CNTNAP4: variants seen among roughly 807,000 people sequenced by gnomAD.
The protein encoded by CNTNAP4 is contactin-associated protein-like 4.
A neutral mutation model predicts 148.4 loss-of-function variants in CNTNAP4; 98 were observed. The observed-to-expected ratio is 0.66, with a 90% CI of 0.56 to 0.78. The LOEUF is 0.78. CNTNAP4 is among the 30% of genes least tolerant of loss of function. The pLI is 0.00. For missense variants in CNTNAP4, 1,935 were observed against 1,565.6 expected (o/e 1.24, Z -3.98); for synonymous variants, 730 against 565.1 (o/e 1.29, Z -4.14).
At chr16:76,343,093 A>C (rs1964616342) in intron 2 of CNTNAP4, among the ~76,000 whole-genome samples, 1 of 151,436 alleles carries the variant, frequency 6.6e-6, no homozygotes, top group Admixed American at 6.6e-5. Flanking sequence ...AGGCAGAAGC[A>C]TAACCTATTT....
intron 2 of CNTNAP4, among the ~76,000 whole-genome samples, chr16:76,333,779 G>GGTTT (rs1963757315): frequency 2.2e-5 from 1 of 45,606 alleles, no homozygotes; most frequent in Non-Finnish European, 4.3e-5. Context: ...TGGGTTATAG[G>GGTTT]TTTTTTTTTT....
At chr16:76,342,970 TCTG>T (rs1417807097) in intron 2 of CNTNAP4, among the ~76,000 whole-genome samples, 1 of 152,234 alleles carries the variant, frequency 6.6e-6, no homozygotes, top group Non-Finnish European at 1.5e-5. Flanking sequence ...TTGAGCTGCT[TCTG>T]CTGGGATGCC....
At chr16:76,404,037 T>G (rs2078512059) in intron 3 of CNTNAP4, among the ~76,000 whole-genome samples, 1 of 152,102 alleles carries the variant, frequency 6.6e-6, no homozygotes, top group Admixed American at 6.5e-5. Flanking sequence ...ACACTGGGGC[T>G]TACTTGAGAG....
intron 3 of CNTNAP4, among the ~76,000 whole-genome samples, chr16:76,358,691 A>T (rs537493728): frequency 7.9e-5 from 12 of 152,320 alleles, no homozygotes; most frequent in Non-Finnish European, 1.2e-4. Context: ...AGACTGGAAG[A>T]TAATGTTGGA....
intron 1 of CNTNAP4, among the ~76,000 whole-genome samples, chr16:76,297,446 A>G (rs1959431153): frequency 6.6e-6 from 1 of 152,216 alleles, no homozygotes; most frequent in Non-Finnish European, 1.5e-5. Context: ...GCCCTAAAGA[A>G]TTAAAGGGAG....
chr16:76,388,182 G>A (rs1032761452), intron 3 of CNTNAP4, among the ~76,000 whole-genome samples: 1 of 152,118 alleles, frequency 6.6e-6, no homozygotes, highest in African/African-American at 2.4e-5. Flanking sequence ...TGGTGTCAGA[G>A]ACATTACTGG....
chr16:76,303,202 A>T (rs551332370), intron 1 of CNTNAP4, among the ~76,000 whole-genome samples: 2 of 151,974 alleles, frequency 1.3e-5, no homozygotes, highest in East Asian at 3.9e-4. Flanking sequence ...AGTTGGCTTG[A>T]TTTTTTTTCC....
chr16:76,315,780 A>G (rs541416939), intron 1 of CNTNAP4, among the ~76,000 whole-genome samples: 1 of 152,040 alleles, frequency 6.6e-6, no homozygotes, highest in Non-Finnish European at 1.5e-5. Context: ...TTTCTGGTAG[A>G]GATGGGGTTT....
intron 16 of CNTNAP4, 119 bp from the exon 17 acceptor site, chr16:76,521,918 CTA>C (rs1416557402): frequency 1.1e-6 from 1 of 874,278 alleles, no homozygotes; most frequent in East Asian, 2.4e-5. Flanking sequence ...TTGAAACCAT[CTA>C]TGTTCGTTAT....
In CNTNAP4 at chr16:76,448,207, T is replaced by C. The variant is rs1386366123; in HGVS notation, c.734T>C (p.Ile245Thr). The change falls in exon 5 of 24, where the codon ATT becomes ACT. Residue 245 changes from isoleucine (I) to threonine (T), a missense_variant. Ile to Thr is a moderately conservative substitution (Grantham distance 89, BLOSUM62 -1). Coordinates refer to ENST00000611870, the MANE Select transcript of CNTNAP4 (RefSeq NM_033401.5). ...AGAAGAGCAAGACTCTTTTTACTTA[T>C]TAATTCAGGTAAAACTATTCGGTGA... is the stretch of plus-strand genomic sequence containing the variant. ...QLRRARLFLL[I>T]NSGEAKLPST... is the part of the protein sequence containing the mutation. 3 of 1,606,870 alleles carry C rather than the reference T, an allele frequency of 1.9e-6. No individual in the cohort carries two copies. Among genetic ancestry groups the C allele is most frequent in the South Asian group, 2.2e-5 (2 of 90,578 alleles).
At chr16:76,329,681 G>A (rs925966784) in intron 2 of CNTNAP4, among the ~76,000 whole-genome samples, 3 of 152,020 alleles carry the variant, frequency 2.0e-5, no homozygotes, top group Non-Finnish European at 2.9e-5. Flanking sequence ...AGTGACGTAA[G>A]GATTATTTGT....
At chr16:76,471,468 C>T (rs978785860) in intron 10 of CNTNAP4, among the ~76,000 whole-genome samples, 1 of 152,178 alleles carries the variant, frequency 6.6e-6, no homozygotes, top group African/African-American at 2.4e-5. Context: ...TTAGCAAGCA[C>T]AGCACCCACC....
chr16:76,457,810 T>A (rs2080791735), intron 8 of CNTNAP4, among the ~76,000 whole-genome samples: 1 of 151,658 alleles, frequency 6.6e-6, no homozygotes, highest in Non-Finnish European at 1.5e-5. Context: ...TATTTTTTTT[T>A]AATTTTAGAT....
rs8061665 is a variant in CNTNAP4 at position 76,524,302 on chromosome 16, C to G, written c.2755+2045C>G. ...GAAATATATAACTTTTAATAACACGCTAGAAGCTCAGTCAGGAAATTGACA... is the reference window on the plus strand; with the variant it reads ...GAAATATATAACTTTTAATAACACGGTAGAAGCTCAGTCAGGAAATTGACA... On this transcript the variant is annotated intron_variant, in intron 17 of 23. Transcript: ENST00000611870. Among the ~76,000 whole-genome samples, 392 of 152,176 alleles carry G rather than the reference C, an allele frequency of 2.6e-3. 3 individuals are homozygous for G. The highest frequency in any genetic ancestry group is 9.0e-3 in the African/African-American group (373 of 41,518).
chr16:76,364,855 C>T (rs571267205), intron 3 of CNTNAP4, among the ~76,000 whole-genome samples: 2 of 152,144 alleles, frequency 1.3e-5, no homozygotes, highest in Non-Finnish European at 2.9e-5. Context: ...GTTTCTTTTG[C>T]TGTGCAGAAG....
chr16:76,352,740 A>G (rs2011985291), intron 2 of CNTNAP4, among the ~76,000 whole-genome samples: 2 of 152,192 alleles, frequency 1.3e-5, no homozygotes, highest in Non-Finnish European at 2.9e-5. Flanking sequence ...TGAAAAATGA[A>G]GGATGGAGGA....
intron 15 of CNTNAP4, among the ~76,000 whole-genome samples, chr16:76,507,965 CCAT>C (rs975335242): frequency 3.1e-5 from 3 of 97,586 alleles, no homozygotes; most frequent in African/African-American, 7.7e-5. Context: ...AACTCTTCCA[CCAT>C]GATTTCTAGA....
At position 76,427,589 on chromosome 16, in the gene CNTNAP4, A is replaced by T; in HGVS notation, c.528A>T (p.Gly176=). 6.2e-7 allele frequency: 1 copy of T among 1,609,838 alleles called. No homozygotes were observed. Among genetic ancestry groups the T allele is most frequent in the Non-Finnish European group, 8.5e-7 (1 of 1,178,158 alleles). Reference sequence around the variant, plus strand: ...TTGGAATGCGAATCGAAGTGTTCGGATGTGCATACAGTAAGTGTTTGTTTA... The same window carrying T: ...TTGGAATGCGAATCGAAGTGTTCGGTTGTGCATACAGTAAGTGTTTGTTTA... ...GRIGMRIEVF[G]CAYRSEVVDL... is the part of the protein sequence containing the mutation. The change falls in exon 4 of 24, where the codon GGA becomes GGT. Residue 176 remains glycine, a synonymous_variant. Coordinates refer to ENST00000611870, the MANE Select transcript of CNTNAP4 (RefSeq NM_033401.5).
intron 8 of CNTNAP4, among the ~76,000 whole-genome samples, chr16:76,455,851 G>C (rs780536395): frequency 4.2e-4 from 64 of 152,272 alleles, no homozygotes; most frequent in Non-Finnish European, 8.1e-4. Context: ...GTAGTCTTAT[G>C]AGAGGGTGAT....
Sources: gnomAD v4.1 joint callset for allele counts (sites outside exome capture counted in the v4.1 genomes callset) on GRCh38, gnomAD v4.1.1 for gene constraint, MANE v1.5 for transcripts, NCBI Gene and HGNC (gene_info 2026-07-23, HGNC 2026-07-21) for gene names.